The following LANCL2 variants were observed in gnomAD, a reference collection of about 807,000 sequenced individuals.
The protein encoded by LANCL2 is lanC-like protein 2.
LANCL2 carries 33 observed loss-of-function variants against 56.9 expected under a neutral mutation model. That is an observed-to-expected ratio of 0.58 (90% CI 0.44 to 0.78). The LOEUF (loss-of-function observed/expected upper bound fraction) is 0.78. LANCL2 is among the 30% of genes least tolerant of loss of function. LANCL2 has a pLI of 0.00. For missense variants in LANCL2, 562 were observed against 580.2 expected (o/e 0.97, Z 0.32); for synonymous variants, 233 against 228.2 (o/e 1.02, Z -0.19).
chr7:55,429,959 C>T (rs1212021095), intron 8 of LANCL2, among the ~76,000 whole-genome samples: 1 of 152,232 alleles, frequency 6.6e-6, no homozygotes, highest in African/African-American at 2.4e-5. Flanking sequence ...GCAAACTGGC[C>T]GGCTGGAGGA....
chr7:55,389,631 A>AG (rs1288264340), intron 1 of LANCL2, among the ~76,000 whole-genome samples: 308 of 152,334 alleles, frequency 2.0e-3, no homozygotes, highest in African/African-American at 7.0e-3. Flanking sequence ...CTTCCTATTT[A>AG]CCTGACAACA....
intron 5 of LANCL2, among the ~76,000 whole-genome samples, chr7:55,402,107 A>G (rs1790336852): frequency 2.1e-5 from 3 of 141,974 alleles, no homozygotes; most frequent in African/African-American, 5.2e-5. Context: ...CTCACTTCCC[A>G]GTAGGGGCGG....
intron 1 of LANCL2, among the ~76,000 whole-genome samples, chr7:55,376,452 A>G (rs958241287): frequency 6.6e-6 from 1 of 152,082 alleles, no homozygotes; most frequent in Non-Finnish European, 1.5e-5. Context: ...TAGTCCACAC[A>G]TTGCCCCACT....
At chr7:55,428,818 ATAT>A (rs1790696834) in intron 8 of LANCL2, among the ~76,000 whole-genome samples, 1 of 146,888 alleles carries the variant, frequency 6.8e-6, no homozygotes, top group Non-Finnish European at 1.5e-5. Context: ...ATTTAATATC[ATAT>A]AAAGAAGTAT....
At chr7:55,378,866 C>G (rs1790032793) in intron 1 of LANCL2, among the ~76,000 whole-genome samples, 2 of 152,238 alleles carry the variant, frequency 1.3e-5, no homozygotes, top group African/African-American at 2.4e-5. Flanking sequence ...GGCGCGGTGG[C>G]TCACGCCTGT....
chr7:55,403,312 G>A (rs1431796864), intron 5 of LANCL2, among the ~76,000 whole-genome samples: 36 of 152,328 alleles, frequency 2.4e-4, no homozygotes, highest in Non-Finnish European at 4.7e-4. Flanking sequence ...GCATGGCGGC[G>A]CGCGCCTGCA....
At chr7:55,401,461 A>G in intron 5 of LANCL2, 141 bp downstream of exon 5, 2 of 436,978 alleles carry the variant, frequency 4.6e-6, no homozygotes, top group Non-Finnish European at 7.7e-6. Flanking sequence ...CATAAACCAC[A>G]GGCAGTGGAT....
At chr7:55,408,608 G>T (rs1303488826) in intron 5 of LANCL2, among the ~76,000 whole-genome samples, 3 of 152,042 alleles carry the variant, frequency 2.0e-5, no homozygotes, top group African/African-American at 7.2e-5. Context: ...GGGAGAGATT[G>T]CAGTGAGTCG....
chr7:55,428,518 A>G (rs1790693399), intron 8 of LANCL2, 71 bp downstream of exon 8: 1 of 1,221,674 alleles, frequency 8.2e-7, no homozygotes, highest in Admixed American at 1.7e-5. Flanking sequence ...GTGGACTGGC[A>G]CTGTTCATAT....
At chr7:55,372,129 G>A (rs1159722596) in intron 1 of LANCL2, among the ~76,000 whole-genome samples, 3 of 152,168 alleles carry the variant, frequency 2.0e-5, no homozygotes, top group Non-Finnish European at 4.4e-5. Flanking sequence ...TCTACATGTA[G>A]CTTTATTAAA....
chr7:55,379,337 G>C (rs1232823837), intron 1 of LANCL2, among the ~76,000 whole-genome samples: 2 of 152,074 alleles, frequency 1.3e-5, no homozygotes, highest in Non-Finnish European at 2.9e-5. Context: ...GGGAAGTTCT[G>C]TCTTTTTTAT....
intron 7 of LANCL2, among the ~76,000 whole-genome samples, chr7:55,426,439 G>T (rs1187532575): frequency 2.0e-5 from 3 of 152,232 alleles, no homozygotes; most frequent in African/African-American, 7.2e-5. Flanking sequence ...AGTGACCCTT[G>T]TTAGATGGAG....
At position 55,365,366 on chromosome 7, in the gene LANCL2, T is replaced by C. The variant is rs1052046872; in HGVS notation, c.-660T>C. The C allele has an allele frequency of 3.9e-5, 6 of 152,228 alleles. No individual in the cohort carries two copies. The highest frequency in any genetic ancestry group is 1.2e-4 in the African/African-American group (5 of 41,464). The allele number at this position is 152,228 out of a possible 1,614,324, so 9.4% of individuals were successfully genotyped here. The stretch of plus-strand genomic sequence containing the variant: ...CTCGGAGACTAGCCTTGCAGTGTTT[T>C]AGACTGTTTTGAAATTCTGTTCTTT... On this transcript the variant is annotated 5_prime_UTR_variant, in exon 1 of 9. Coordinates refer to ENST00000254770, the MANE Select transcript of LANCL2 (RefSeq NM_018697.4).
chr7:55,416,239 G>A (rs955937354), intron 6 of LANCL2, among the ~76,000 whole-genome samples: 7 of 151,988 alleles, frequency 4.6e-5, no homozygotes, highest in African/African-American at 1.7e-4. Flanking sequence ...TGTGCTCATG[G>A]GCCAATTGTG....
chr7:55,396,189 G>C (rs1330678200), intron 2 of LANCL2, among the ~76,000 whole-genome samples: 1 of 152,140 alleles, frequency 6.6e-6, no homozygotes, highest in African/African-American at 2.4e-5. Flanking sequence ...AACTCAATGG[G>C]GACCCAGTCA....
chr7:55,398,291 T>C (rs1790279344), intron 2 of LANCL2, 132 bp from the exon 3 acceptor site: 1 of 651,878 alleles, frequency 1.5e-6, no homozygotes, highest in African/African-American at 1.8e-5. Context: ...ATGAAATGTA[T>C]TGTTTTGGTG....
chr7:55,384,216 A>G (rs1412165279), intron 1 of LANCL2, among the ~76,000 whole-genome samples: 1 of 152,250 alleles, frequency 6.6e-6, no homozygotes, highest in African/African-American at 2.4e-5. Context: ...GTATTTGAAC[A>G]AATAATAGTT....
chr7:55,406,618 T>C (rs1184535597), intron 5 of LANCL2, among the ~76,000 whole-genome samples: 1 of 152,178 alleles, frequency 6.6e-6, no homozygotes, highest in Non-Finnish European at 1.5e-5. Flanking sequence ...ATTTGGTTCT[T>C]ATTTCTCATT....
intron 1 of LANCL2, among the ~76,000 whole-genome samples, chr7:55,377,886 A>G (rs1790021113): frequency 6.6e-6 from 1 of 152,216 alleles, no homozygotes; most frequent in Admixed American, 6.5e-5. Flanking sequence ...ATATGGTATG[A>G]CTGAGTGAAG....
Sources: gnomAD v4.1 joint callset for allele counts (sites outside exome capture counted in the v4.1 genomes callset) on GRCh38, gnomAD v4.1.1 for gene constraint, MANE v1.5 for transcripts, NCBI Gene and HGNC (gene_info 2026-07-23, HGNC 2026-07-21) for gene names.